KRT39: variants seen among roughly 807,000 people sequenced by gnomAD.
KRT39 encodes keratin 39.
In KRT39, 47 loss-of-function variants were observed where a neutral mutation model predicts 54.8. That is an observed-to-expected ratio of 0.86 (90% CI 0.68 to 1.09). The LOEUF (loss-of-function observed/expected upper bound fraction) is 1.09. Ranked by LOEUF, KRT39 falls within the 50% of genes least tolerant of loss-of-function variation. The probability of loss-of-function intolerance (pLI) is 0.00; values close to 1 mark genes in which losing one functional copy is unlikely to be tolerated. For synonymous variants in KRT39, 207 were observed against 227.9 expected (o/e 0.91, Z 0.83); for missense variants, 580 against 598.5 (o/e 0.97, Z 0.32).
rs1023155229 is a variant in KRT39, at chr17:40,958,534, C to T, written c.*67G>A. The stretch of plus-strand genomic sequence containing the variant: ...AAGGGACTGGGGAGTTTTCTTAAAC[C>T]TCTCTGGCAGGAGCATGTATTGGCC... On this transcript the variant is annotated 3_prime_UTR_variant, in exon 7 of 7. Coordinates refer to ENST00000355612, the MANE Select transcript of KRT39 (RefSeq NM_213656.4). 1.2e-5 allele frequency: 19 copies of T among 1,520,964 alleles called. No individual in the cohort carries two copies. The highest frequency in any genetic ancestry group is 6.7e-5 in the South Asian group (5 of 75,074). 94.2% of individuals were successfully genotyped at this position (1,520,964 alleles called of 1,614,324 possible). A position where few individuals can be genotyped will look rare whatever the true frequency, so the allele number is the denominator to read the frequency against.
chr17:40,960,916 G>A (rs1016558632), intron 5 of KRT39, among the ~76,000 whole-genome samples: 8 of 152,182 alleles, frequency 5.3e-5, no homozygotes, highest in African/African-American at 1.9e-4. Flanking sequence ...TGGATCACAA[G>A]GTCAGGAGTT....
Position 40,963,599 on chromosome 17 carries a change from G to C in KRT39, c.708+28C>G, listed in dbSNP as rs752179056. 4 of 1,566,644 alleles carry C rather than the reference G, an allele frequency of 2.6e-6. No individual in the cohort carries two copies. In the Admixed American group the frequency reaches 6.8e-5, roughly 27 times the overall value. On this transcript the variant is annotated intron_variant, in intron 3 of 6. Coordinates refer to ENST00000355612, the MANE Select transcript of KRT39 (RefSeq NM_213656.4). ...GATGCTACTTTTAGGGACTTAGCTT[G>C]TGATTACTCTATTGGTCTTTGTCTC... is the stretch of plus-strand genomic sequence containing the variant.
In KRT39 at chr17:40,960,336, G is replaced by C; in HGVS notation, c.1162C>G (p.Arg388Gly). The change falls in exon 6 of 7, where the codon CGG (arginine) becomes GGG (glycine). Residue 388 changes from arginine to glycine, a missense_variant. Transcript: ENST00000355612. ...EYEILLDVKS[R>G]LECEITTYRS... The stretch of plus-strand genomic sequence containing the variant: ...TATGTGGTAATCTCACATTCCAGCC[G>C]GGACTTGACGTCCAGCAGGATCTCG... The C allele has an allele frequency of 6.2e-7, 1 of 1,613,894 alleles. No individual in the cohort carries two copies. Among genetic ancestry groups the C allele is most frequent in the Non-Finnish European group, 8.5e-7 (1 of 1,179,998 alleles).
intron 5 of KRT39, chr17:40,960,770 T>G: frequency 1.9e-6 from 1 of 537,298 alleles, no homozygotes; most frequent in Non-Finnish European, 3.3e-6. Flanking sequence ...GACCAACCAA[T>G]AGTCTCGCAC....
rs151118656 is a variant in KRT39 at position 40,961,521 on chromosome 17, A to G, written c.996+641T>C. On this transcript the variant is annotated intron_variant, in intron 5 of 6. Coordinates refer to ENST00000355612, the MANE Select transcript of KRT39 (RefSeq NM_213656.4). ...AAGCAATTCTCTACTTCAGAGAGGC[A>G]TTATCATGAGACAGAATGATACTGG... 2.0e-5 allele frequency among the ~76,000 whole-genome samples: 3 copies of G among 152,344 alleles called. No homozygotes were observed. The South Asian group carries it at 6.2e-4, about 32-fold the overall frequency.
At chr17:40,964,240 G>A (rs928017674) in intron 2 of KRT39, 8 of 564,812 alleles carry the variant, frequency 1.4e-5, no homozygotes, top group African/African-American at 9.4e-5. Flanking sequence ...AATCAAATGG[G>A]TTCACAAGTT....
At position 40,966,879 on chromosome 17, in the gene KRT39, G is replaced by T. The variant is rs537676262; in HGVS notation, c.-23C>A. 3.6e-3 allele frequency: 5,664 copies of T among 1,552,824 alleles called. 151 individuals carry two copies. In the African/African-American group the frequency reaches 0.064, roughly 18 times the overall value. Reference sequence around the variant, plus strand: ...CATAGTATGTGTCTGGCTTTAGTTTGTTCCAGGTCTGTGGTCACCAGGATG... The same window carrying T: ...CATAGTATGTGTCTGGCTTTAGTTTTTTCCAGGTCTGTGGTCACCAGGATG... On this transcript the variant is annotated 5_prime_UTR_variant, in exon 1 of 7. Transcript: ENST00000355612.
At chr17:40,963,875 A>C in intron 2 of KRT39, 92 bp from the exon 3 acceptor site, 1 of 929,618 alleles carries the variant, frequency 1.1e-6, no homozygotes, top group Non-Finnish European at 1.6e-6. Context: ...TGCTCTGGGC[A>C]CCTCACTTAG....
At chr17:40,964,388 CA>C in intron 2 of KRT39, 57 bp downstream of exon 2, 1 of 1,436,566 alleles carries the variant, frequency 7.0e-7, no homozygotes, top group African/African-American at 1.4e-5. Context: ...TTGTTGAGGG[CA>C]TCTCGGTCAG....
At chr17:40,965,367 T>C (rs938339575) in intron 1 of KRT39, among the ~76,000 whole-genome samples, 3 of 152,050 alleles carry the variant, frequency 2.0e-5, no homozygotes, top group South Asian at 4.1e-4. Context: ...AGAGTGAGAC[T>C]CCATCTCAAT....
At position 40,960,214 on chromosome 17, in the gene KRT39, G is replaced by A; in HGVS notation, c.1217+67C>T. ...ACAAAGCACTTGACCCCTGTTGCCA[G>A]TGGCAGTACATATATCTGCGTTCAT... On this transcript the variant is annotated intron_variant, in intron 6 of 6. Transcript: ENST00000355612. 3 of 1,385,582 alleles carry A rather than the reference G, an allele frequency of 2.2e-6. 1 individual carries two copies. Among genetic ancestry groups the A allele is most frequent in the South Asian group, 2.3e-5 (2 of 85,620 alleles). 85.8% of individuals were successfully genotyped at this position (1,385,582 alleles called of 1,614,324 possible).
chr17:40,962,547 T>C lies in KRT39; in HGVS notation c.725A>G (p.Gln242Arg). 1 of 1,612,172 alleles carries C rather than the reference T, an allele frequency of 6.2e-7. No homozygotes were observed. The highest frequency in any genetic ancestry group is 8.5e-7 in the Non-Finnish European group (1 of 1,179,478). The change falls in exon 4 of 7, where the codon CAG becomes CGG. Residue 242 changes from glutamine to arginine, a missense_variant. By Grantham distance (43) the Gln-to-Arg change is conservative (BLOSUM62 1). Transcript: ENST00000355612. ...GTCAAGTCTCTCCCCAAGCTGACAC[T>C]GTAAAGAATTGATTTCCTAAGGAAA... ...NNHKEEINSL[Q>R]CQLGERLDIE...
chr17:40,960,257 A>G, intron 6 of KRT39, 24 bp downstream of exon 6: 1 of 1,595,306 alleles, frequency 6.3e-7, no homozygotes, highest in Non-Finnish European at 8.5e-7. Context: ...TTTTTGTCAT[A>G]GAAGTTGCTG....
Position 40,964,483 on chromosome 17 carries a change from C to T in KRT39, c.514G>A (p.Asp172Asn), listed in dbSNP as rs2143623611. 6.2e-7 allele frequency: 1 copy of T among 1,614,052 alleles called. No individual in the cohort carries two copies. The highest frequency in any genetic ancestry group is 2.2e-5 in the East Asian group (1 of 44,868). The stretch of plus-strand genomic sequence containing the variant: ...TCATCTGCAGTCAGTTTGGTGTTGT[C>T]AATTTGCGAGACCAGTCTGGAATTC... ...AENSRLVSQI[D>N]NTKLTADDLR... Residue 172 changes from aspartate (D) to asparagine (N), a missense_variant, in exon 2 of 7, where the codon GAC becomes AAC. Coordinates refer to ENST00000355612, the MANE Select transcript of KRT39 (RefSeq NM_213656.4).
chr17:40,961,078 C>T (rs529917924), intron 5 of KRT39, among the ~76,000 whole-genome samples: 5 of 151,276 alleles, frequency 3.3e-5, no homozygotes, highest in East Asian at 2.0e-4. Flanking sequence ...TGCAGTGACC[C>T]GAGATCGTGC....
Position 40,963,724 on chromosome 17 carries a change from T to C in KRT39, c.611A>G (p.Gln204Arg), listed in dbSNP as rs1253673483. 1 of 1,610,186 alleles carries C rather than the reference T, an allele frequency of 6.2e-7. No individual in the cohort carries two copies. Among genetic ancestry groups the C allele is most frequent in the Admixed American group, 1.7e-5 (1 of 59,990 alleles). ...LVESDANGLKQILNVLTLGKA... is the reference protein window; with the variant it reads ...LVESDANGLKRILNVLTLGKA... ...GCCCAGGGTCAGCACATTCAGGATC[T>C]GCTTGAGGCCATTGGCATCTGACTC... is the stretch of plus-strand genomic sequence containing the variant. The change falls in exon 3 of 7, where the codon CAG becomes CGG. Residue 204 changes from glutamine (Q) to arginine (R), a missense_variant. Physicochemically the swap from Gln to Arg is conservative, Grantham distance 43. Coordinates refer to ENST00000355612, the MANE Select transcript of KRT39 (RefSeq NM_213656.4).
At chr17:40,959,610 A>T (rs535713837) in intron 6 of KRT39, among the ~76,000 whole-genome samples, 35 of 152,346 alleles carry the variant, frequency 2.3e-4, no homozygotes, top group Admixed American at 5.2e-4. Flanking sequence ...GAATGCTGTG[A>T]AGAGTTCACT....
chr17:40,966,055 T>C (rs9709093), intron 1 of KRT39, among the ~76,000 whole-genome samples: 1 of 138,212 alleles, frequency 7.2e-6, no homozygotes, highest in African/African-American at 2.9e-5. Flanking sequence ...TCTAATTTTT[T>C]TTTGTGTGTG....
In KRT39 at chr17:40,966,776, G is replaced by A. The variant is rs1363305394; in HGVS notation, c.81C>T (p.Thr27=). 6.2e-7 allele frequency: 1 copy of A among 1,614,006 alleles called. No homozygotes were observed. The highest frequency in any genetic ancestry group is 1.7e-5 in the Admixed American group (1 of 60,000). The change falls in exon 1 of 7, where the codon ACC becomes ACT. Residue 27 remains threonine (T), a synonymous_variant. Transcript: ENST00000355612. ...GATGGCAGCCGTTGTTAGAAGAGAT[G>A]GTACTAACATTTGTAATCCTAGAGC... ...QNCSRITNVS[T]ISSNNGCHPG...
Sources: allele counts gnomAD v4.1 joint callset (sites outside exome capture counted in the v4.1 genomes callset), GRCh38; gene constraint gnomAD v4.1.1; transcripts MANE v1.5; gene names NCBI Gene and HGNC (gene_info 2026-07-23, HGNC 2026-07-21).